The following TEX11 variants were observed in gnomAD, a reference collection of about 807,000 sequenced individuals.
TEX11 encodes testis expressed 11, also known as testis-expressed protein 11.
In TEX11, 7 loss-of-function variants were observed where a neutral mutation model predicts 84.4. The ratio of observed to expected loss-of-function variants is 0.08; its 90% confidence interval spans 0.05 to 0.16. The LOEUF is 0.16. Among genes scored for constraint, TEX11 ranks in the 10% least tolerant of loss-of-function variants. TEX11 has a pLI of 1.00. For synonymous variants in TEX11, 264 were observed against 222.8 expected (o/e 1.18, Z -1.64); for missense variants, 551 against 660.5 (o/e 0.83, Z 1.82).
intron 25 of TEX11, among the ~76,000 whole-genome samples, chrX:70,558,859 A>G (rs891404061): frequency 8.9e-6 from 1 of 112,085 alleles, no homozygotes; most frequent in Non-Finnish European, 1.9e-5. Context: ...AATCAAAACC[A>G]TAATAAGATA....
chrX:70,730,857 T>A (rs2147731881), intron 11 of TEX11, among the ~76,000 whole-genome samples: 2 of 112,065 alleles, frequency 1.8e-5, no homozygotes, highest in East Asian at 2.8e-4. Context: ...TACATTCTTT[T>A]CTGCACCACA....
intron 9 of TEX11, among the ~76,000 whole-genome samples, chrX:70,751,840 A>G (rs1002510447): frequency 2.7e-5 from 3 of 112,370 alleles, no homozygotes; most frequent in Non-Finnish European, 5.6e-5. Flanking sequence ...AATTCATATG[A>G]AAAAATAAAC....
chrX:70,715,895 C>T (rs1324874348), intron 13 of TEX11, among the ~76,000 whole-genome samples: 1 of 111,490 alleles, frequency 9.0e-6, no homozygotes, highest in African/African-American at 3.3e-5. Context: ...AGTTTTTCTG[C>T]TCTGTTTTTT....
chrX:70,873,386 T>A (rs2147868226), intron 3 of TEX11, 79 bp from the exon 4 acceptor site: 2 of 682,116 alleles, frequency 2.9e-6, no homozygotes, highest in South Asian at 2.6e-5. Context: ...GAATGTTGTA[T>A]GCTTATGTAA....
intron 5 of TEX11, 127 bp from the exon 6 acceptor site, chrX:70,853,455 G>A: frequency 4.3e-6 from 2 of 467,371 alleles, no homozygotes; most frequent in Non-Finnish European, 7.1e-6. Flanking sequence ...AAAACAAAAA[G>A]CAACAGTTAG....
At chrX:70,730,939 T>C (rs1442248701) in intron 11 of TEX11, among the ~76,000 whole-genome samples, 1 of 112,018 alleles carries the variant, frequency 8.9e-6, no homozygotes, top group Non-Finnish European at 1.9e-5. Flanking sequence ...ACAACAGAAA[T>C]TATAACAAAC....
At chrX:70,685,666 A>T (rs948729888) in intron 13 of TEX11, among the ~76,000 whole-genome samples, 2 of 112,167 alleles carry the variant, frequency 1.8e-5, no homozygotes, top group African/African-American at 6.5e-5. Context: ...CAATAAAATG[A>T]AAAGTCAAAC....
rs763982971 is a variant in TEX11, at chrX:70,877,739, C to T, written c.159+2249G>A. On this transcript the variant is annotated intron_variant, in intron 3 of 29. Coordinates refer to ENST00000374333, the MANE Select transcript of TEX11 (RefSeq NM_031276.3). ...TGACACATGCTGCAACATGAATGAA[C>T]CTTGAAGACATTATACTAAGAGAAA... is the stretch of plus-strand genomic sequence containing the variant. 8.1e-5 allele frequency among the ~76,000 whole-genome samples: 9 copies of T among 111,531 alleles called. No individual in the cohort carries two copies. In the Admixed American group the frequency reaches 8.6e-4, roughly 11 times the overall value.
intron 13 of TEX11, among the ~76,000 whole-genome samples, chrX:70,704,550 T>A (rs1384595841): frequency 9.0e-6 from 1 of 111,615 alleles, no homozygotes; most frequent in East Asian, 2.8e-4. Flanking sequence ...TCTTTACTGT[T>A]CAAGTACATT....
At chrX:70,808,367 G>T (rs865885153) in intron 8 of TEX11, among the ~76,000 whole-genome samples, 3 of 107,473 alleles carry the variant, frequency 2.8e-5, no homozygotes, top group Middle Eastern at 4.9e-3. Flanking sequence ...GTTGGGCGTG[G>T]TGGTGGGCAC....
intron 2 of TEX11, among the ~76,000 whole-genome samples, chrX:70,886,529 CT>C (rs1003887232): frequency 9.0e-6 from 1 of 111,621 alleles, no homozygotes; most frequent in African/African-American, 3.3e-5. Flanking sequence ...CAATACTATA[CT>C]TACAGTCAAT....
At chrX:70,589,612 T>A (rs921560498) in intron 25 of TEX11, among the ~76,000 whole-genome samples, 2 of 111,571 alleles carry the variant, frequency 1.8e-5, no homozygotes, top group Non-Finnish European at 3.8e-5. Context: ...AAACTCCGCC[T>A]GCGGGGTTCA....
At chrX:70,662,257 G>C (rs902616756) in intron 16 of TEX11, among the ~76,000 whole-genome samples, 2 of 111,683 alleles carry the variant, frequency 1.8e-5, no homozygotes, top group Admixed American at 1.9e-4. Context: ...CTGGAAGAAA[G>C]GGTATCAGCG....
chrX:70,693,829 T>C (rs1177448873), intron 13 of TEX11, among the ~76,000 whole-genome samples: 1 of 111,834 alleles, frequency 8.9e-6, no homozygotes, highest in Non-Finnish European at 1.9e-5. Flanking sequence ...ATTAGCCTCA[T>C]TGTGGTAATC....
At chrX:70,535,043 G>A (rs952721524) in intron 28 of TEX11, among the ~76,000 whole-genome samples, 3 of 111,455 alleles carry the variant, frequency 2.7e-5, no homozygotes, top group Non-Finnish European at 5.7e-5. Context: ...GCCTTTTCTG[G>A]ACATTTAAGA....
At chrX:70,767,204 G>A (rs762694033) in intron 9 of TEX11, among the ~76,000 whole-genome samples, 1 of 111,488 alleles carries the variant, frequency 9.0e-6, no homozygotes, top group East Asian at 2.8e-4. Flanking sequence ...GAAAATGTGT[G>A]CAAATTACCC....
chrX:70,607,965 C>T (rs2089214170), intron 22 of TEX11, among the ~76,000 whole-genome samples: 1 of 112,290 alleles, frequency 8.9e-6, no homozygotes, highest in African/African-American at 3.2e-5. Context: ...AGGATTAAAG[C>T]CCTATTAAAC....
intron 13 of TEX11, among the ~76,000 whole-genome samples, chrX:70,711,757 G>A (rs2090436634): frequency 9.0e-6 from 1 of 111,245 alleles, no homozygotes; most frequent in Non-Finnish European, 1.9e-5. Context: ...CACTCTGATG[G>A]TAGTTTCTTT....
intron 2 of TEX11, 24 bp downstream of exon 2, chrX:70,907,729 G>A (rs1435810588): frequency 1.8e-6 from 2 of 1,117,869 alleles, no homozygotes; most frequent in Non-Finnish European, 2.5e-6. Context: ...ACACTATTTT[G>A]TACTACCACG....
Sources: gnomAD v4.1 joint callset for allele counts (sites outside exome capture counted in the v4.1 genomes callset) on GRCh38, gnomAD v4.1.1 for gene constraint, MANE v1.5 for transcripts, NCBI Gene and HGNC (gene_info 2026-07-23, HGNC 2026-07-21) for gene names.